DTWD2: variants seen among roughly 807,000 people sequenced by gnomAD.
DTWD2 encodes the protein DTW motif tRNA-uridine aminocarboxypropyltransferase 2, also known as tRNA-uridine aminocarboxypropyltransferase 2.
A neutral mutation model predicts 31.8 loss-of-function variants in DTWD2; 39 were observed. That is an observed-to-expected ratio of 1.22 (90% CI 0.95 to 1.60). DTWD2 has a LOEUF of 1.60. Among genes scored for constraint, DTWD2 ranks in the 40% most tolerant of loss-of-function variants. DTWD2 has a pLI of 0.00. For synonymous variants in DTWD2, 180 were observed against 142.8 expected, an observed-to-expected ratio of 1.26 and a Z score of -1.86; for missense variants, 515 against 381.5, an observed-to-expected ratio of 1.35 and a Z score of -2.92.
chr5:118,889,211 T>G (rs1752928576), intron 4 of DTWD2, among the ~76,000 whole-genome samples: 1 of 152,194 alleles, frequency 6.6e-6, no homozygotes, highest in Admixed American at 6.5e-5. Context: ...GGTCCTTCCC[T>G]GGTACTTCCT....
chr5:118,945,460 T>C (rs1754310224), intron 1 of DTWD2, among the ~76,000 whole-genome samples: 1 of 152,148 alleles, frequency 6.6e-6, no homozygotes, highest in Non-Finnish European at 1.5e-5. Context: ...ATTTGGTATA[T>C]GCATTTATAA....
intron 1 of DTWD2, among the ~76,000 whole-genome samples, chr5:118,976,740 C>T (rs747510841): frequency 5.9e-5 from 9 of 152,130 alleles, no homozygotes; most frequent in Admixed American, 3.9e-4. Flanking sequence ...GATTCACAGA[C>T]GAATTCTACC....
intron 4 of DTWD2, among the ~76,000 whole-genome samples, chr5:118,885,569 C>A (rs1343724576): frequency 6.6e-6 from 1 of 151,282 alleles, no homozygotes. Context: ...AGTTTGAGAC[C>A]AGCCTGGCCA....
At chr5:118,944,379 T>C (rs1479237592) in intron 2 of DTWD2, among the ~76,000 whole-genome samples, 180 bp downstream of exon 2, 2 of 152,218 alleles carry the variant, frequency 1.3e-5, no homozygotes, top group African/African-American at 4.8e-5. Flanking sequence ...CTCTAGAGCA[T>C]AAGACTCTAT....
At position 118,838,516 on chromosome 5, in the gene DTWD2, T is replaced by C. The variant is rs1189147526; in HGVS notation, c.*2401A>G. 2 of 152,162 alleles carry C rather than the reference T, an allele frequency of 1.3e-5. No individual in the cohort carries two copies. The highest frequency in any genetic ancestry group is 2.9e-5 in the Non-Finnish European group (2 of 68,032). 9.4% of individuals were successfully genotyped at this position (152,162 alleles called of 1,614,324 possible). On this transcript the variant is annotated 3_prime_UTR_variant, in exon 6 of 6. Coordinates refer to ENST00000510708, the MANE Select transcript of DTWD2 (RefSeq NM_173666.4). ...CAGATAATACTACACACTTGAGAACTTTTAGTAATTAAAATAATGGCTTTT... is the reference window on the plus strand; with the variant it reads ...CAGATAATACTACACACTTGAGAACCTTTAGTAATTAAAATAATGGCTTTT...
intron 5 of DTWD2, among the ~76,000 whole-genome samples, chr5:118,842,053 C>T (rs1751728181): frequency 6.6e-6 from 1 of 152,046 alleles, no homozygotes; most frequent in African/African-American, 2.4e-5. Flanking sequence ...GGCCAAATAT[C>T]ATTCCTAACT....
chr5:118,848,135 T>C lies in DTWD2; in HGVS notation c.681A>G (p.Ala227=), dbSNP rs376800190. 1.2e-6 allele frequency: 2 copies of C among 1,602,370 alleles called. No homozygotes were observed. Among genetic ancestry groups the C allele is most frequent in the Non-Finnish European group, 1.7e-6 (2 of 1,175,068 alleles). The change falls in exon 5 of 6, where the codon GCA becomes GCG. Residue 227 remains alanine (A), a synonymous_variant. Coordinates refer to ENST00000510708, the MANE Select transcript of DTWD2 (RefSeq NM_173666.4). ...TNRCLSTLEC[A]AVALSILEKN... The stretch of plus-strand genomic sequence containing the variant: ...TCTCCAAGATGGAAAGAGCAACAGC[T>C]GCACACTCCAGTGTAGAAAGGCATC...
At chr5:118,957,225 G>A (rs1420855538) in intron 1 of DTWD2, among the ~76,000 whole-genome samples, 1 of 151,656 alleles carries the variant, frequency 6.6e-6, no homozygotes, top group African/African-American at 2.4e-5. Flanking sequence ...ATACTGTTGT[G>A]ATTTTTTTTT....
At chr5:118,911,356 A>C (rs1220463619) in intron 4 of DTWD2, among the ~76,000 whole-genome samples, 1 of 152,230 alleles carries the variant, frequency 6.6e-6, no homozygotes, top group East Asian at 1.9e-4. Context: ...ACAAAAGATA[A>C]CAAGTGTTGG....
chr5:118,884,832 C>T (rs185302787), intron 4 of DTWD2, among the ~76,000 whole-genome samples: 115 of 151,240 alleles, frequency 7.6e-4, no homozygotes, highest in African/African-American at 2.6e-3. Context: ...CGGTGAAACC[C>T]GGCCTCTACT....
intron 1 of DTWD2, among the ~76,000 whole-genome samples, chr5:118,967,675 T>C (rs1238060196): frequency 2.6e-5 from 4 of 152,224 alleles, no homozygotes; most frequent in African/African-American, 9.6e-5. Flanking sequence ...CATAATTCCA[T>C]ACAGATATAA....
intron 4 of DTWD2, 84 bp from the exon 5 acceptor site, chr5:118,848,302 C>T: frequency 7.9e-7 from 1 of 1,262,352 alleles, no homozygotes; most frequent in Non-Finnish European, 1.1e-6. Flanking sequence ...AATTACTTTC[C>T]TTCCAAAACT....
intron 1 of DTWD2, among the ~76,000 whole-genome samples, chr5:118,987,023 A>T (rs1755443313): frequency 6.6e-6 from 1 of 152,218 alleles, no homozygotes; most frequent in Admixed American, 6.5e-5. Flanking sequence ...TCTCTGCTAA[A>T]CAGATTTTTA....
At chr5:118,932,388 G>GA (rs1269614457) in intron 3 of DTWD2, among the ~76,000 whole-genome samples, 1 of 148,758 alleles carries the variant, frequency 6.7e-6, no homozygotes, top group Non-Finnish European at 1.5e-5. Flanking sequence ...ACTATAAAAA[G>GA]AAAAGAAAGA....
chr5:118,850,902 A>G (rs1276190148), intron 4 of DTWD2, among the ~76,000 whole-genome samples: 1 of 152,132 alleles, frequency 6.6e-6, no homozygotes, highest in Non-Finnish European at 1.5e-5. Context: ...GTGGCCAACA[A>G]GCAGATGAAA....
chr5:118,856,624 G>A (rs1051628369), intron 4 of DTWD2, among the ~76,000 whole-genome samples: 39 of 152,004 alleles, frequency 2.6e-4, no homozygotes, highest in South Asian at 2.1e-4. Flanking sequence ...TAAGAGTTCC[G>A]TCTGTTCCAT....
intron 3 of DTWD2, among the ~76,000 whole-genome samples, chr5:118,937,937 G>A (rs1022881835): frequency 1.1e-4 from 16 of 147,886 alleles, no homozygotes; most frequent in Admixed American, 6.2e-4. Flanking sequence ...ATTACTGAAC[G>A]TTTTGAACAA....
At chr5:118,872,573 C>T (rs1752529211) in intron 4 of DTWD2, among the ~76,000 whole-genome samples, 1 of 152,168 alleles carries the variant, frequency 6.6e-6, no homozygotes, top group African/African-American at 2.4e-5. Context: ...ACAATCAAAA[C>T]ACACAAAACA....
intron 4 of DTWD2, among the ~76,000 whole-genome samples, chr5:118,927,744 G>C (rs1039833931): frequency 6.6e-6 from 1 of 152,000 alleles, no homozygotes; most frequent in Non-Finnish European, 1.5e-5. Flanking sequence ...GAATTTAAAA[G>C]CTACCATTTT....
Sources: gnomAD v4.1 joint callset for allele counts (sites outside exome capture counted in the v4.1 genomes callset) on GRCh38, gnomAD v4.1.1 for gene constraint, MANE v1.5 for transcripts, NCBI Gene and HGNC (gene_info 2026-07-23, HGNC 2026-07-21) for gene names.